Variants in BICD1 observed in about 807,000 individuals in gnomAD.
BICD1 encodes protein bicaudal D homolog 1.
In BICD1, 35 loss-of-function variants were observed where a neutral mutation model predicts 92.5. That is an observed-to-expected ratio of 0.38 (90% CI 0.29 to 0.50). BICD1 has a LOEUF of 0.50. BICD1 is among the 20% of genes least tolerant of loss of function. The pLI is 0.93. For synonymous variants in BICD1, 429 were observed against 465.1 expected (o/e 0.92, Z 1.00); for missense variants, 950 against 1,189.8 (o/e 0.80, Z 2.97).
intron 1 of BICD1, among the ~76,000 whole-genome samples, chr12:32,194,647 C>T (rs539228394): frequency 7.3e-5 from 11 of 151,616 alleles, no homozygotes; most frequent in African/African-American, 1.9e-4. Context: ...TTTGGGAGGC[C>T]GAGGGGGGTG....
At chr12:32,358,474 C>T (rs960920968) in intron 8 of BICD1, among the ~76,000 whole-genome samples, 1 of 151,812 alleles carries the variant, frequency 6.6e-6, no homozygotes, top group Non-Finnish European at 1.5e-5. Flanking sequence ...CACAGTGGCT[C>T]ACGCCTGTAA....
At chr12:32,122,174 C>T (rs951317553) in intron 1 of BICD1, among the ~76,000 whole-genome samples, 20 of 151,950 alleles carry the variant, frequency 1.3e-4, no homozygotes, top group Non-Finnish European at 2.4e-4. Flanking sequence ...AGGCTGGGCG[C>T]GCTGGCTCAC....
chr12:32,287,486 A>G (rs536590144), intron 2 of BICD1, among the ~76,000 whole-genome samples: 1 of 150,920 alleles, frequency 6.6e-6, no homozygotes, highest in African/African-American at 2.4e-5. Context: ...ACAATAACCC[A>G]TGATTCTGTT....
At chr12:32,177,223 A>G (rs10844150) in intron 1 of BICD1, among the ~76,000 whole-genome samples, 45,637 of 151,288 alleles carry the variant, frequency 0.3, 7,096 homozygotes, top group Middle Eastern at 0.48. Flanking sequence ...GCTGAGGCAT[A>G]AGAATCTCTT....
At chr12:32,186,294 ACACAGC>A (rs1258319990) in intron 1 of BICD1, among the ~76,000 whole-genome samples, 2 of 152,232 alleles carry the variant, frequency 1.3e-5, no homozygotes, top group Non-Finnish European at 2.9e-5. Flanking sequence ...TGCTGAAAGT[ACACAGC>A]CATTTCTACT....
intron 2 of BICD1, among the ~76,000 whole-genome samples, chr12:32,289,449 G>A (rs970904826): frequency 7.2e-5 from 11 of 152,182 alleles, no homozygotes; most frequent in Non-Finnish European, 1.5e-4. Flanking sequence ...GCAGTGGTGC[G>A]ATCTCAGCTC....
intron 8 of BICD1, among the ~76,000 whole-genome samples, chr12:32,365,898 C>T (rs890644684): frequency 3.0e-4 from 46 of 152,216 alleles, no homozygotes; most frequent in African/African-American, 9.9e-4. Flanking sequence ...GGAATTTCCT[C>T]AATCTGAGAA....
chr12:32,231,983 A>G (rs1367543284), intron 2 of BICD1, among the ~76,000 whole-genome samples: 1 of 150,672 alleles, frequency 6.6e-6, no homozygotes, highest in Non-Finnish European at 1.5e-5. Context: ...AATCCAGTCT[A>G]TCATTGTTGG....
chr12:32,150,787 A>T (rs1479347318), intron 1 of BICD1, among the ~76,000 whole-genome samples: 3 of 152,166 alleles, frequency 2.0e-5, no homozygotes, highest in African/African-American at 2.4e-5. Flanking sequence ...TCTTAAAAAA[A>T]AATAACATAA....
At position 32,305,941 on chromosome 12, in the gene BICD1, A is replaced by G. The variant is rs1230113779; in HGVS notation, c.824A>G (p.Asp275Gly). The change falls in exon 4 of 10, where the codon GAT becomes GGT. Residue 275 changes from aspartate to glycine, a missense_variant. This residue lies in a region of BICD1 where 246 missense variants were observed against 258.4 expected (regional missense o/e 0.95). Transcript: ENST00000652176. Reference protein sequence around the residue: ...ISVDGLKFAEDGSEPNNDDKM... With the variant: ...ISVDGLKFAEGGSEPNNDDKM... ...GTAGATGGACTCAAATTTGCCGAGG[A>G]TGGGAGTGAACCAAACAATGATGAC... The G allele has an allele frequency of 6.2e-7, 1 of 1,614,220 alleles. No homozygotes were observed. Among genetic ancestry groups the G allele is most frequent in the Non-Finnish European group, 8.5e-7 (1 of 1,180,040 alleles).
At chr12:32,301,140 A>G (rs956253606) in intron 3 of BICD1, among the ~76,000 whole-genome samples, 5 of 152,146 alleles carry the variant, frequency 3.3e-5, no homozygotes, top group Non-Finnish European at 4.4e-5. Flanking sequence ...CAAAGCAGTA[A>G]ATCATGTTGA....
intron 2 of BICD1, among the ~76,000 whole-genome samples, chr12:32,233,237 G>A (rs575930854): frequency 1.9e-4 from 28 of 149,164 alleles, no homozygotes; most frequent in African/African-American, 6.2e-4. Flanking sequence ...CAAGAGAATC[G>A]CTTGAACCCA....
chr12:32,108,619 CTAT>C (rs1592307964), intron 1 of BICD1: 2 of 679,352 alleles, frequency 2.9e-6, no homozygotes, highest in Admixed American at 2.2e-5. Context: ...TATCAAAAAT[CTAT>C]TATTTATTTT....
chr12:32,301,745 A>T lies in BICD1; in HGVS notation c.580-3952A>T, dbSNP rs533803393. ...AGCTGTGATCAAGCCACTGTACTCT[A>T]GCCTGGGCAACAGAGCAAGACCCTG... On this transcript the variant is annotated intron_variant, in intron 3 of 9. Coordinates refer to ENST00000652176, the MANE Select transcript of BICD1 (RefSeq NM_001714.4). Among the ~76,000 whole-genome samples the T allele has an allele frequency of 5.9e-5, 9 of 152,256 alleles. No homozygotes were observed. In the South Asian group the frequency reaches 1.5e-3, roughly 25 times the overall value.
At chr12:32,270,162 C>T (rs552473903) in intron 2 of BICD1, among the ~76,000 whole-genome samples, 56 of 145,856 alleles carry the variant, frequency 3.8e-4, no homozygotes, top group Admixed American at 8.1e-4. Flanking sequence ...TTTATCTTCT[C>T]TATCTGTTAA....
chr12:32,188,496 T>TA lies in BICD1; in HGVS notation c.214-27744dup, dbSNP rs145776337. Reference sequence around the variant, plus strand: ...ACATTGTAAGAAATTCAGTTTTCTGTAAAAAAATACGTAGTCTTAAGTTTA... The same window carrying TA: ...ACATTGTAAGAAATTCAGTTTTCTGTAAAAAAAATACGTAGTCTTAAGTTTA... On this transcript the variant is annotated intron_variant, in intron 1 of 9. Coordinates refer to ENST00000652176, the MANE Select transcript of BICD1 (RefSeq NM_001714.4). 3.0e-3 allele frequency among the ~76,000 whole-genome samples: 454 copies of TA among 152,264 alleles called. 1 individual carries two copies. The highest frequency in any genetic ancestry group is 0.01 in the African/African-American group (436 of 41,554).
At chr12:32,276,282 G>A (rs1021781842) in intron 2 of BICD1, among the ~76,000 whole-genome samples, 2 of 152,092 alleles carry the variant, frequency 1.3e-5, no homozygotes, top group Non-Finnish European at 2.9e-5. Context: ...AATTCAGCAG[G>A]AAGCTGTTAG....
chr12:32,198,079 C>G (rs1464013027), intron 1 of BICD1, among the ~76,000 whole-genome samples: 1 of 151,858 alleles, frequency 6.6e-6, no homozygotes, highest in Non-Finnish European at 1.5e-5. Context: ...GTGGCTCATG[C>G]CTGTAATCCC....
At chr12:32,261,423 G>T (rs1946855818) in intron 2 of BICD1, among the ~76,000 whole-genome samples, 1 of 152,150 alleles carries the variant, frequency 6.6e-6, no homozygotes, top group South Asian at 2.1e-4. Flanking sequence ...GGCTCTCACT[G>T]GTGTTCGTAT....
Sources: allele counts gnomAD v4.1 joint callset (sites outside exome capture counted in the v4.1 genomes callset), GRCh38; gene constraint gnomAD v4.1.1; regional missense constraint gnomAD v4.1.1; transcripts MANE v1.5; gene names NCBI Gene and HGNC (gene_info 2026-07-23, HGNC 2026-07-21).